UBR7: variants seen among roughly 807,000 people sequenced by gnomAD.
UBR7 encodes the protein ubiquitin protein ligase E3 component n-recognin 7.
UBR7 carries 22 observed loss-of-function variants against 57.0 expected under a neutral mutation model. The observed-to-expected ratio is 0.39, with a 90% CI of 0.28 to 0.55. The LOEUF is 0.55. Ranked by LOEUF, UBR7 falls within the 20% of genes least tolerant of loss-of-function variation. The pLI is 0.69. For missense variants in UBR7, 395 were observed against 513.2 expected, an observed-to-expected ratio of 0.77 and a Z score of 2.23; for synonymous variants, 167 against 179.8, an observed-to-expected ratio of 0.93 and a Z score of 0.57.
rs1006254681 is a variant in UBR7, at chr14:93,223,610, G to A, written c.1185+1236G>A. The A allele has an allele frequency of 5.7e-6, 7 of 1,226,424 alleles. No homozygotes were observed. The African/African-American group carries it at 9.0e-5, about 16-fold the overall frequency. 76.0% of individuals were successfully genotyped at this position (1,226,424 alleles called of 1,614,324 possible). ...GAGGGCCCTGCCCCTAGAAGAACGTGTTGGGCCTCTTGGTGGTGAAGCGTG... is the reference window on the plus strand; with the variant it reads ...GAGGGCCCTGCCCCTAGAAGAACGTATTGGGCCTCTTGGTGGTGAAGCGTG... On this transcript the variant is annotated intron_variant, in intron 10 of 10. Transcript: ENST00000013070.
chr14:93,223,263 G>T (rs7154290), intron 10 of UBR7, among the ~76,000 whole-genome samples: 96,734 of 151,682 alleles, frequency 0.64, 31,387 homozygotes, highest in East Asian at 0.86. Context: ...GGGTATGAGG[G>T]CGGGTGCCTG....
chr14:93,207,370 G>A lies in UBR7; in HGVS notation c.79G>A (p.Asp27Asn), dbSNP rs1422869886. ...VVSLVDVLEEDEELENEACAV... is the reference protein window; with the variant it reads ...VVSLVDVLEENEELENEACAV... The stretch of plus-strand genomic sequence containing the variant: ...ATCGTTGGTCGACGTCCTTGAGGAG[G>A]ACGAGGAGCTGGAGAATGAGGCGTG... Residue 27 changes from aspartate (D) to asparagine (N), a missense_variant, in exon 1 of 11, where the codon GAC (aspartate) becomes AAC (asparagine). Physicochemically the swap from Asp to Asn is conservative, Grantham distance 23. Coordinates refer to ENST00000013070, the MANE Select transcript of UBR7 (RefSeq NM_175748.4). 2 of 1,557,050 alleles carry A rather than the reference G, an allele frequency of 1.3e-6. No homozygotes were observed. Among genetic ancestry groups the A allele is most frequent in the East Asian group, 4.8e-5 (2 of 41,826 alleles).
At chr14:93,214,590 T>C (rs1005944136) in intron 4 of UBR7, among the ~76,000 whole-genome samples, 2 of 152,220 alleles carry the variant, frequency 1.3e-5, no homozygotes, top group Non-Finnish European at 2.9e-5. Flanking sequence ...GTGAACATCC[T>C]TATACAGTAA....
intron 6 of UBR7, among the ~76,000 whole-genome samples, chr14:93,216,784 T>A (rs1894600916): frequency 6.6e-6 from 1 of 151,876 alleles, no homozygotes; most frequent in South Asian, 2.1e-4. Flanking sequence ...CTGGCAAATT[T>A]TTGTATTTTT....
At chr14:93,211,927 T>G in intron 3 of UBR7, 105 bp from the exon 4 acceptor site, 2 of 893,560 alleles carry the variant, frequency 2.2e-6, no homozygotes, top group East Asian at 2.8e-5. Flanking sequence ...ATCAGCCTCT[T>G]GGGGGAAATA....
chr14:93,219,479 A>C, intron 8 of UBR7, 118 bp downstream of exon 8: 1 of 1,311,812 alleles, frequency 7.6e-7, no homozygotes, highest in Non-Finnish European at 1.1e-6. Flanking sequence ...AATAAAAAGA[A>C]CACCTGAACA....
rs1394851504 is a variant in UBR7 at position 93,228,058 on chromosome 14, G to C, written c.*1023G>C. 5.9e-5 allele frequency: 41 copies of C among 693,978 alleles called. No individual in the cohort carries two copies. In the Middle Eastern group the frequency reaches 1.1e-3, roughly 19 times the overall value. 43.0% of individuals were successfully genotyped at this position (693,978 alleles called of 1,614,324 possible). A position where few individuals can be genotyped will look rare whatever the true frequency, so the allele number is the denominator to read the frequency against. On this transcript the variant is annotated 3_prime_UTR_variant, in exon 11 of 11. Transcript: ENST00000013070. ...TGACTTAGCTTACTTGAAATAAGCA[G>C]GGCAGGGAGCCCTGTTTTGGAAGAG...
chr14:93,210,034 T>C, intron 2 of UBR7, 77 bp downstream of exon 2: 2 of 1,475,920 alleles, frequency 1.4e-6, no homozygotes, highest in Non-Finnish European at 1.9e-6. Context: ...TTCCTAATCT[T>C]GTTTTTTCAT....
intron 10 of UBR7, chr14:93,224,134 C>T (rs577101895): frequency 3.6e-5 from 26 of 716,098 alleles, no homozygotes; most frequent in Non-Finnish European, 5.9e-5. Flanking sequence ...TGCCCGAGGC[C>T]TTCATGGCGT....
rs1894769632 is a variant in UBR7 at position 93,223,829 on chromosome 14, G to A, written c.1185+1455G>A. 5.3e-6 allele frequency: 4 copies of A among 748,430 alleles called. No homozygotes were observed. In the East Asian group the frequency reaches 7.4e-5, roughly 14 times the overall value. The allele number at this position is 748,430 out of a possible 1,614,324, so 46.4% of individuals were successfully genotyped here. ...TCGGTAGCACTGGGTAACAGCGCCC[G>A]CGGTGGTCAGGTCCCGGTATTCCCG... On this transcript the variant is annotated intron_variant, in intron 10 of 10. Coordinates refer to ENST00000013070, the MANE Select transcript of UBR7 (RefSeq NM_175748.4).
chr14:93,218,102 A>T (rs1045483355), intron 6 of UBR7, among the ~76,000 whole-genome samples: 1 of 148,462 alleles, frequency 6.7e-6, no homozygotes, highest in Non-Finnish European at 1.5e-5. Context: ...CTCAAAAAAA[A>T]AAAAAAAATA....
chr14:93,228,346 C>T lies in UBR7; in HGVS notation c.*1311C>T. ...TCAGCTTCTCTCTGCCTCTGGAGGACCAAGGTCTTTCCTGACAGTCGGAGA... is the reference window on the plus strand; with the variant it reads ...TCAGCTTCTCTCTGCCTCTGGAGGATCAAGGTCTTTCCTGACAGTCGGAGA... On this transcript the variant is annotated 3_prime_UTR_variant, in exon 11 of 11. Coordinates refer to ENST00000013070, the MANE Select transcript of UBR7 (RefSeq NM_175748.4). The T allele has an allele frequency of 2.2e-6, 1 of 454,956 alleles. No homozygotes were observed. The highest frequency in any genetic ancestry group is 1.6e-5 in the South Asian group (1 of 64,480). 28.2% of individuals were successfully genotyped at this position (454,956 alleles called of 1,614,324 possible).
intron 9 of UBR7, 36 bp from the exon 10 acceptor site, chr14:93,222,277 T>G: frequency 6.9e-7 from 1 of 1,458,474 alleles, no homozygotes; most frequent in Non-Finnish European, 9.6e-7. Flanking sequence ...GCAAATGGTT[T>G]ATCTAAACTT....
chr14:93,220,554 G>C (rs1173778267), intron 9 of UBR7, 143 bp downstream of exon 9: 2 of 979,150 alleles, frequency 2.0e-6, no homozygotes, highest in African/African-American at 3.3e-5. Context: ...TTTCATATTG[G>C]TGGGTATTCA....
Position 93,227,916 on chromosome 14 carries a change from A to G in UBR7, c.*881A>G, listed in dbSNP as rs1397081033. 1 of 700,840 alleles carries G rather than the reference A, an allele frequency of 1.4e-6. No individual in the cohort carries two copies. 43.4% of individuals were successfully genotyped at this position (700,840 alleles called of 1,614,324 possible). A position where few individuals can be genotyped will look rare whatever the true frequency, so the allele number is the denominator to read the frequency against. Reference sequence around the variant, plus strand: ...TCTGGATTTCTTGATATTATCAGGGATATTCATAAGCATATATCAAAAATG... The same window carrying G: ...TCTGGATTTCTTGATATTATCAGGGGTATTCATAAGCATATATCAAAAATG... On this transcript the variant is annotated 3_prime_UTR_variant, in exon 11 of 11. Transcript: ENST00000013070.
chr14:93,225,463 CAAAAA>C (rs59667536), intron 10 of UBR7, among the ~76,000 whole-genome samples: 25,223 of 110,132 alleles, frequency 0.23, 2,320 homozygotes, highest in African/African-American at 0.26. Flanking sequence ...CCCGCCTCTA[CAAAAA>C]AAAAAAAAAA....
chr14:93,207,303 C>T lies in UBR7; in HGVS notation c.12C>T (p.Ala4=). Residue 4 remains alanine, a synonymous_variant, in exon 1 of 11, where the codon GCC becomes GCT. Coordinates refer to ENST00000013070, the MANE Select transcript of UBR7 (RefSeq NM_175748.4). The part of the protein sequence containing the change: MAG[A]EGAAGRQSEL... ...GCTGACAGTTGAGGATGGCCGGAGC[C>T]GAGGGCGCCGCTGGGCGGCAGTCGG... 1.3e-6 allele frequency: 2 copies of T among 1,555,824 alleles called. No homozygotes were observed. Among genetic ancestry groups the T allele is most frequent in the Non-Finnish European group, 1.7e-6 (2 of 1,149,458 alleles).
rs899266256 is a variant in UBR7 at position 93,219,370 on chromosome 14, T to G, written c.960+9T>G. 6.2e-7 allele frequency: 1 copy of G among 1,614,056 alleles called. No individual in the cohort carries two copies. The highest frequency in any genetic ancestry group is 8.5e-7 in the Non-Finnish European group (1 of 1,180,038). On this transcript the variant is annotated intron_variant, in intron 8 of 10. Transcript: ENST00000013070. ...CCTGCCAAGACTGTATGGTAAAGTA[T>G]CTGATTGTGCTCAGTGTTAGCATGT...
Position 93,227,228 on chromosome 14 carries a change from T to TTAA in UBR7, c.*193_*194insTAA. The TTAA allele has an allele frequency of 1.6e-6, 1 of 635,058 alleles. No individual in the cohort carries two copies. The allele number at this position is 635,058 out of a possible 1,614,324, so 39.3% of individuals were successfully genotyped here. A position where few individuals can be genotyped will look rare whatever the true frequency, so the allele number is the denominator to read the frequency against. On this transcript the variant is annotated 3_prime_UTR_variant, in exon 11 of 11. Transcript: ENST00000013070. ...CTTCACAGCCAGCGTCCTCTGTGAC[T>TTAA]CAGCTGATGCAGCTCATTCCACAGA...
Sources: gnomAD v4.1 joint callset for allele counts (sites outside exome capture counted in the v4.1 genomes callset) on GRCh38, gnomAD v4.1.1 for gene constraint, MANE v1.5 for transcripts, NCBI Gene and HGNC (gene_info 2026-07-23, HGNC 2026-07-21) for gene names.